FAM135B: variants seen among roughly 807,000 people sequenced by gnomAD.
The protein encoded by FAM135B is family with sequence similarity 135 member B.
A neutral mutation model predicts 127.7 loss-of-function variants in FAM135B; 43 were observed. The observed-to-expected ratio is 0.34, with a 90% CI of 0.26 to 0.43. The LOEUF (loss-of-function observed/expected upper bound fraction) is 0.43. Among genes scored for constraint, FAM135B ranks in the 20% least tolerant of loss-of-function variants. The pLI is 1.00. For synonymous variants in FAM135B, 670 were observed against 665.1 expected (o/e 1.01, Z -0.11); for missense variants, 1,558 against 1,725.6 (o/e 0.90, Z 1.72).
intron 9 of FAM135B, among the ~76,000 whole-genome samples, chr8:138,186,078 C>A (rs932878890): frequency 1.3e-5 from 2 of 152,130 alleles, no homozygotes; most frequent in East Asian, 1.9e-4. Flanking sequence ...GTGTCTGACA[C>A]CCCCCACTCC....
chr8:138,451,474 A>G (rs536040219), intron 1 of FAM135B, among the ~76,000 whole-genome samples: 8 of 152,362 alleles, frequency 5.3e-5, no homozygotes, highest in Non-Finnish European at 1.0e-4. Flanking sequence ...AACAGTAGCT[A>G]TACATGCTGA....
chr8:138,230,700 G>C (rs542190797), intron 7 of FAM135B, among the ~76,000 whole-genome samples: 1 of 152,072 alleles, frequency 6.6e-6, no homozygotes. Flanking sequence ...AATGTTCTGA[G>C]GTAGACAGTG....
At chr8:138,397,221 G>C (rs1832901808) in intron 1 of FAM135B, among the ~76,000 whole-genome samples, 1 of 152,188 alleles carries the variant, frequency 6.6e-6, no homozygotes, top group South Asian at 2.1e-4. Context: ...CCAGATTCCA[G>C]GGCACAAAAC....
chr8:138,157,393 G>T (rs148884228), intron 12 of FAM135B, among the ~76,000 whole-genome samples: 24 of 152,102 alleles, frequency 1.6e-4, no homozygotes, highest in African/African-American at 4.6e-4. Flanking sequence ...GCATAAGACA[G>T]GGATGCCTTC....
chr8:138,302,453 G>A (rs935208193), intron 3 of FAM135B, among the ~76,000 whole-genome samples: 1 of 152,174 alleles, frequency 6.6e-6, no homozygotes, highest in Non-Finnish European at 1.5e-5. Flanking sequence ...CACTGCCTGA[G>A]CAAGAAGAAG....
rs1231315940 is a variant in FAM135B, at chr8:138,241,458, G to C, written c.669+1484C>G. 6.6e-6 allele frequency among the ~76,000 whole-genome samples: 1 copy of C among 152,104 alleles called. No homozygotes were observed. Among genetic ancestry groups the C allele is most frequent in the Non-Finnish European group, 1.5e-5 (1 of 68,016 alleles). ...TGACAACTCTTTTCTTTGCTTCTCAGGACCATAAAATCATGTGACACAGCA... is the reference window on the plus strand; with the variant it reads ...TGACAACTCTTTTCTTTGCTTCTCACGACCATAAAATCATGTGACACAGCA... On this transcript the variant is annotated intron_variant, in intron 7 of 19. Coordinates refer to ENST00000395297, the MANE Select transcript of FAM135B (RefSeq NM_015912.4). This position sits in a 1 kb window ranked among gnomAD's most constrained non-coding sequence, Gnocchi z 4.8.
intron 8 of FAM135B, among the ~76,000 whole-genome samples, chr8:138,196,497 C>A (rs1020064318): frequency 6.6e-6 from 1 of 152,156 alleles, no homozygotes; most frequent in African/African-American, 2.4e-5. Flanking sequence ...GGAATCAGCT[C>A]TTAAAGACCT....
chr8:138,362,139 C>T (rs1488547307), intron 2 of FAM135B, among the ~76,000 whole-genome samples: 2 of 152,012 alleles, frequency 1.3e-5, no homozygotes, highest in Non-Finnish European at 2.9e-5. Flanking sequence ...TCCAATCACC[C>T]TCTTTTAGCT....
At chr8:138,230,700 G>A (rs542190797) in intron 7 of FAM135B, among the ~76,000 whole-genome samples, 1 of 152,186 alleles carries the variant, frequency 6.6e-6, no homozygotes, top group African/African-American at 2.4e-5. Flanking sequence ...AATGTTCTGA[G>A]GTAGACAGTG....
At chr8:138,169,297 A>G (rs1382218155) in intron 11 of FAM135B, among the ~76,000 whole-genome samples, 1 of 151,002 alleles carries the variant, frequency 6.6e-6, no homozygotes, top group Non-Finnish European at 1.5e-5. Flanking sequence ...ATAACTCTGA[A>G]TTCTCGGAAT....
chr8:138,389,845 CGA>C (rs1325397982), intron 1 of FAM135B, among the ~76,000 whole-genome samples: 1 of 152,130 alleles, frequency 6.6e-6, no homozygotes, highest in African/African-American at 2.4e-5. Context: ...CAAAAGGGGA[CGA>C]AATCAAGTCC....
intron 9 of FAM135B, 77 bp downstream of exon 9, chr8:138,195,181 A>T (rs2131110198): frequency 7.0e-7 from 1 of 1,431,070 alleles, no homozygotes; most frequent in Non-Finnish European, 9.7e-7. Flanking sequence ...TCTGTTTTTT[A>T]CAGCAAGCAA....
intron 5 of FAM135B, among the ~76,000 whole-genome samples, chr8:138,255,781 T>G (rs1443985084): frequency 6.6e-6 from 1 of 152,130 alleles, no homozygotes; most frequent in African/African-American, 2.4e-5. Context: ...TTCTAAGGAA[T>G]TCACAAGAAC....
intron 1 of FAM135B, among the ~76,000 whole-genome samples, chr8:138,447,539 CA>C (rs1049140469): frequency 4.0e-5 from 6 of 151,102 alleles, no homozygotes; most frequent in African/African-American, 1.5e-4. Context: ...TCGTTCTCAG[CA>C]AACTATCGCA....
At chr8:138,412,023 T>C (rs149774238) in intron 1 of FAM135B, among the ~76,000 whole-genome samples, 38 of 152,162 alleles carry the variant, frequency 2.5e-4, no homozygotes, top group Middle Eastern at 6.8e-3. Flanking sequence ...TGGTTAGACA[T>C]GGACATAAAA....
intron 1 of FAM135B, among the ~76,000 whole-genome samples, chr8:138,457,193 G>A (rs1228109931): frequency 6.6e-6 from 1 of 152,118 alleles, no homozygotes. Flanking sequence ...GGATGTAAGT[G>A]TGTGCCGACA....
At chr8:138,284,123 A>G (rs1044004101) in intron 3 of FAM135B, among the ~76,000 whole-genome samples, 1 of 152,240 alleles carries the variant, frequency 6.6e-6, no homozygotes, top group African/African-American at 2.4e-5. Flanking sequence ...ACTACTAGAA[A>G]AAGAGAATTA....
chr8:138,212,083 A>C (rs1818187789), intron 7 of FAM135B, among the ~76,000 whole-genome samples: 1 of 152,188 alleles, frequency 6.6e-6, no homozygotes, highest in Non-Finnish European at 1.5e-5. Context: ...TAAATACAAT[A>C]AAATAGCAAT....
At chr8:138,352,901 A>C (rs562043845) in intron 2 of FAM135B, among the ~76,000 whole-genome samples, 49 of 152,316 alleles carry the variant, frequency 3.2e-4, no homozygotes, top group African/African-American at 1.2e-3. Flanking sequence ...GAACTTTGTC[A>C]CACTGCTCAG....
Sources: gnomAD v4.1 joint callset for allele counts (sites outside exome capture counted in the v4.1 genomes callset) on GRCh38, gnomAD v4.1.1 for gene constraint, Gnocchi (gnomAD v3.1) non-coding constraint, MANE v1.5 for transcripts, NCBI Gene and HGNC (gene_info 2026-07-23, HGNC 2026-07-21) for gene names.